The following MCMBP variants were observed in gnomAD, a reference collection of about 807,000 sequenced individuals.
MCMBP encodes the protein minichromosome maintenance complex binding protein, also known as mini-chromosome maintenance complex-binding protein.
A neutral mutation model predicts 81.3 loss-of-function variants in MCMBP; 31 were observed. The observed-to-expected ratio is 0.38, with a 90% CI of 0.29 to 0.51. The LOEUF (loss-of-function observed/expected upper bound fraction) is 0.51, where lower values mean the gene tolerates loss of function less well. Ranked by LOEUF, MCMBP falls within the 20% of genes least tolerant of loss-of-function variation. The probability of loss-of-function intolerance (pLI) is 0.87; values close to 1 mark genes in which losing one functional copy is unlikely to be tolerated. For synonymous variants in MCMBP, 267 were observed against 275.9 expected, an observed-to-expected ratio of 0.97 and a Z score of 0.32; for missense variants, 645 against 772.1, an observed-to-expected ratio of 0.84 and a Z score of 1.95.
Position 119,836,910 on chromosome 10 carries a change from T to G in MCMBP, c.1528A>C (p.Arg510=). ...NINVFITSEG[R]SLLPADCQIH... Reference sequence around the variant, plus strand: ...ACTCATCATACCGGGAGGAGTGACCTCCCCTCCGAAGTAATGAAAACGTTA... The same window carrying G: ...ACTCATCATACCGGGAGGAGTGACCGCCCCTCCGAAGTAATGAAAACGTTA... The change falls in exon 13 of 16, where the codon AGG becomes CGG. Residue 510 remains arginine (R), a synonymous_variant. Coordinates refer to ENST00000369077, the MANE Select transcript of MCMBP (RefSeq NM_001256378.2). The G allele has an allele frequency of 2.5e-6, 4 of 1,609,512 alleles. No homozygotes were observed. The South Asian group carries it at 4.4e-5, about 18-fold the overall frequency.
In MCMBP at chr10:119,831,446, C is replaced by T; in HGVS notation, c.*28G>A. 1 of 1,611,852 alleles carries T rather than the reference C, an allele frequency of 6.2e-7. No homozygotes were observed. The highest frequency in any genetic ancestry group is 1.1e-5 in the South Asian group (1 of 90,734). The stretch of plus-strand genomic sequence containing the variant: ...TTTACAATTATGTGGCTACAGTTTG[C>T]CCATTACTCTTCATAGGTATTACAT... On this transcript the variant is annotated 3_prime_UTR_variant, in exon 16 of 16. Coordinates refer to ENST00000369077, the MANE Select transcript of MCMBP (RefSeq NM_001256378.2).
At chr10:119,870,824 T>TAC (rs1853645537) in intron 1 of MCMBP, among the ~76,000 whole-genome samples, 2 of 152,192 alleles carry the variant, frequency 1.3e-5, no homozygotes, top group Admixed American at 6.5e-5. Flanking sequence ...AGACACAACG[T>TAC]ACACGGGAAC....
At chr10:119,836,757 GTTTTTTTTTTTTTTT>G (rs199759464) in intron 13 of MCMBP, 124 bp downstream of exon 13, 50,291 of 295,182 alleles carry the variant, frequency 0.17, 7,894 homozygotes, top group African/African-American at 0.38. Context: ...AGCAGTCACA[GTTTTTTTTTTTTTTT>G]TTTTTTTTTT....
chr10:119,836,840 A>G, intron 13 of MCMBP, 56 bp downstream of exon 13: 13 of 1,374,852 alleles, frequency 9.5e-6, no homozygotes, highest in Non-Finnish European at 1.2e-5. Flanking sequence ...AAACAGCAAA[A>G]ATGTAGGTAT....
intron 11 of MCMBP, 46 bp from the exon 12 acceptor site, chr10:119,838,746 T>C (rs752821116): frequency 2.6e-6 from 4 of 1,524,614 alleles, no homozygotes; most frequent in Non-Finnish European, 3.6e-6. Context: ...AGTTTCCCTG[T>C]TTTAAGAAAA....
At chr10:119,847,582 A>T in intron 8 of MCMBP, 31 bp downstream of exon 8, 1 of 1,339,474 alleles carries the variant, frequency 7.5e-7, no homozygotes, top group Non-Finnish European at 1.0e-6. Context: ...ATAAAAATAA[A>T]GGAGACCAAA....
At chr10:119,840,465 G>C (rs1198074567) in intron 11 of MCMBP, among the ~76,000 whole-genome samples, 13 of 152,096 alleles carry the variant, frequency 8.5e-5, no homozygotes, top group African/African-American at 2.7e-4. Flanking sequence ...TAAAATTGAG[G>C]CAATGGAGAT....
chr10:119,855,763 G>C (rs1181069430), intron 5 of MCMBP, among the ~76,000 whole-genome samples: 1 of 151,942 alleles, frequency 6.6e-6, no homozygotes, highest in African/African-American at 2.4e-5. Flanking sequence ...ACAGAAAATT[G>C]AAGTGAAAAA....
intron 1 of MCMBP, among the ~76,000 whole-genome samples, chr10:119,866,921 C>A (rs1287806288): frequency 6.6e-6 from 1 of 151,894 alleles, no homozygotes; most frequent in African/African-American, 2.4e-5. Context: ...AGAGATCGTG[C>A]CACTGCACTC....
At chr10:119,848,526 T>C (rs1208428988) in intron 7 of MCMBP, among the ~76,000 whole-genome samples, 1 of 151,990 alleles carries the variant, frequency 6.6e-6, no homozygotes, top group Admixed American at 6.5e-5. Flanking sequence ...GGCACGAGAA[T>C]TGCCTGAACC....
chr10:119,869,167 C>T (rs939736017), intron 1 of MCMBP, among the ~76,000 whole-genome samples: 23 of 152,176 alleles, frequency 1.5e-4, no homozygotes, highest in African/African-American at 4.3e-4. Flanking sequence ...GGGTCTGGGT[C>T]GGGCGCGGTG....
chr10:119,864,183 A>C (rs12768065), intron 1 of MCMBP, among the ~76,000 whole-genome samples: 8,407 of 152,336 alleles, frequency 0.055, 426 homozygotes, highest in South Asian at 0.27. Flanking sequence ...CAGGAAAAGA[A>C]AAGGAACAGA....
At chr10:119,843,875 T>C (rs982437758) in intron 8 of MCMBP, among the ~76,000 whole-genome samples, 3 of 152,074 alleles carry the variant, frequency 2.0e-5, no homozygotes, top group African/African-American at 7.2e-5. Context: ...TTGGCCAGGC[T>C]GGTCTCGAAC....
Position 119,840,840 on chromosome 10 carries a change from T to C in MCMBP, c.1242+3A>G, listed in dbSNP as rs778495749. On this transcript the variant is annotated splice_donor_region_variant and intron_variant, in intron 11 of 15. Transcript: ENST00000369077. ...TTATAATACATATTTATATTCATCT[T>C]ACTGCTGGAACAAGATGTTGAATAA... 1.3e-6 allele frequency: 2 copies of C among 1,554,662 alleles called. No homozygotes were observed. Among genetic ancestry groups the C allele is most frequent in the African/African-American group, 1.4e-5 (1 of 73,170 alleles).
rs2134322871 is a variant in MCMBP, at chr10:119,829,757, T to A, written c.*1717A>T. 1 of 152,296 alleles carries A rather than the reference T, an allele frequency of 6.6e-6. No homozygotes were observed. Among genetic ancestry groups the A allele is most frequent in the East Asian group, 1.9e-4 (1 of 5,194 alleles). The allele number at this position is 152,296 out of a possible 1,614,324, so 9.4% of individuals were successfully genotyped here. ...TTTCCACACAGATCACATGGGATGG[T>A]GAATCTTCTTACTCATGAAAAACAG... On this transcript the variant is annotated 3_prime_UTR_variant, in exon 16 of 16. Coordinates refer to ENST00000369077, the MANE Select transcript of MCMBP (RefSeq NM_001256378.2).
At chr10:119,837,601 T>C (rs55687292) in intron 12 of MCMBP, among the ~76,000 whole-genome samples, 16,482 of 152,086 alleles carry the variant, frequency 0.11, 951 homozygotes, top group South Asian at 0.17. Context: ...CTGAAAACCA[T>C]TTACAAACTT....
In MCMBP at chr10:119,835,724, A is replaced by G. The variant is rs1159954058; in HGVS notation, c.1543-20T>C. On this transcript the variant is annotated intron_variant, in intron 13 of 15. Transcript: ENST00000369077. ...GTCTGCCTGAAAAGAGAAGGAGTAC[A>G]CTGTATTTTCTGAGTTCCTAAATTA... is the stretch of plus-strand genomic sequence containing the variant. The G allele has an allele frequency of 1.9e-6, 3 of 1,612,906 alleles. No individual in the cohort carries two copies. The highest frequency in any genetic ancestry group is 2.7e-5 in the African/African-American group (2 of 74,914).
Position 119,831,423 on chromosome 10 carries a change from T to G in MCMBP, c.*51A>C. 1 of 1,601,592 alleles carries G rather than the reference T, an allele frequency of 6.2e-7. No individual in the cohort carries two copies. On this transcript the variant is annotated 3_prime_UTR_variant, in exon 16 of 16. Transcript: ENST00000369077. ...GTGGTATAAATGAATATCTGAATTT[T>G]ACAATTATGTGGCTACAGTTTGCCC... is the stretch of plus-strand genomic sequence containing the variant.
Position 119,837,037 on chromosome 10 carries a change from G to A in MCMBP, c.1409-8C>T, listed in dbSNP as rs1040153449. On this transcript the variant is annotated splice_polypyrimidine_tract_variant and splice_region_variant and intron_variant, in intron 12 of 15. Coordinates refer to ENST00000369077, the MANE Select transcript of MCMBP (RefSeq NM_001256378.2). ...CTGTCACATTATGAACACCTACAAA[G>A]GCAGGAAAACACTTTCAGTCATTTG... 6.2e-7 allele frequency: 1 copy of A among 1,610,572 alleles called. No individual in the cohort carries two copies.
Sources: gnomAD v4.1 joint callset for allele counts (sites outside exome capture counted in the v4.1 genomes callset) on GRCh38, gnomAD v4.1.1 for gene constraint, MANE v1.5 for transcripts, NCBI Gene and HGNC (gene_info 2026-07-23, HGNC 2026-07-21) for gene names.